Variants in SEMA6D observed in about 807,000 individuals in gnomAD.
The protein encoded by SEMA6D is semaphorin 6D, also known as semaphorin-6D.
A neutral mutation model predicts 106.6 loss-of-function variants in SEMA6D; 35 were observed. The observed-to-expected ratio is 0.33, with a 90% CI of 0.25 to 0.44. SEMA6D has a LOEUF of 0.44. Among genes scored for constraint, SEMA6D ranks in the 20% least tolerant of loss-of-function variants. The pLI is 1.00. For synonymous variants in SEMA6D, 499 were observed against 487.7 expected (o/e 1.02, Z -0.31); for missense variants, 1,185 against 1,345.9 (o/e 0.88, Z 1.87).
chr15:47,653,366 C>T (rs1197580938), intron 4 of SEMA6D, among the ~76,000 whole-genome samples: 1 of 152,160 alleles, frequency 6.6e-6, no homozygotes, highest in Non-Finnish European at 1.5e-5. Context: ...AAATAAAAAT[C>T]ACAAAAAGCA....
At chr15:47,561,342 A>G (rs1246965494) in intron 3 of SEMA6D, among the ~76,000 whole-genome samples, 1 of 152,082 alleles carries the variant, frequency 6.6e-6, no homozygotes, top group East Asian at 1.9e-4. Flanking sequence ...TTCAATTGAG[A>G]GGAAAAAAAA....
chr15:47,554,736 A>C (rs924327950), intron 3 of SEMA6D, among the ~76,000 whole-genome samples: 19 of 152,152 alleles, frequency 1.2e-4, no homozygotes, highest in African/African-American at 4.6e-4. Context: ...TCACTGCTGT[A>C]GGTAACATCT....
intron 1 of SEMA6D, among the ~76,000 whole-genome samples, chr15:47,379,055 G>A (rs2145575790): frequency 1.3e-5 from 2 of 152,280 alleles, no homozygotes; most frequent in South Asian, 4.1e-4. Flanking sequence ...CTCTATAACT[G>A]CCGTAACCTG....
intron 1 of SEMA6D, among the ~76,000 whole-genome samples, chr15:47,746,980 G>GTATATATATATATA (rs752559574): frequency 6.3e-4 from 73 of 116,736 alleles, no homozygotes; most frequent in South Asian, 3.9e-3. Flanking sequence ...CTGTGTGTGT[G>GTATATATATATATA]TGTGTATATA....
chr15:47,723,787 A>G (rs903726134), intron 1 of SEMA6D, among the ~76,000 whole-genome samples: 2 of 152,204 alleles, frequency 1.3e-5, no homozygotes, highest in Non-Finnish European at 2.9e-5. Flanking sequence ...ACTGAAATGT[A>G]AGGTTCTCAA....
chr15:47,316,336 C>A (rs577860132), intron 1 of SEMA6D, among the ~76,000 whole-genome samples: 1 of 151,964 alleles, frequency 6.6e-6, no homozygotes, highest in Admixed American at 6.6e-5. Context: ...AGGTGATCCA[C>A]CTGCCTCGGC....
At chr15:47,227,464 CT>C (rs1200917452) in intron 1 of SEMA6D, among the ~76,000 whole-genome samples, 34 of 66,392 alleles carry the variant, frequency 5.1e-4, no homozygotes, top group African/African-American at 1.2e-3. Flanking sequence ...TCTTTTCTTT[CT>C]TTTTCTTTCT....
At chr15:47,381,752 T>C (rs2039647580) in intron 1 of SEMA6D, among the ~76,000 whole-genome samples, 2 of 152,184 alleles carry the variant, frequency 1.3e-5, no homozygotes, top group South Asian at 2.1e-4. Flanking sequence ...TATAAAGTTA[T>C]AGGAAATATG....
chr15:47,357,693 G>T (rs1162675925), intron 1 of SEMA6D, among the ~76,000 whole-genome samples: 1 of 152,122 alleles, frequency 6.6e-6, no homozygotes, highest in Non-Finnish European at 1.5e-5. Flanking sequence ...CCCACATTAA[G>T]GGTGGGTCTG....
chr15:47,460,367 A>G (rs978200851), intron 2 of SEMA6D, among the ~76,000 whole-genome samples: 2 of 152,118 alleles, frequency 1.3e-5, no homozygotes, highest in Non-Finnish European at 2.9e-5. Flanking sequence ...AATCATTGCA[A>G]GCAGTGATCA....
At chr15:47,240,476 C>T (rs1857090665) in intron 1 of SEMA6D, among the ~76,000 whole-genome samples, 1 of 152,136 alleles carries the variant, frequency 6.6e-6, no homozygotes, top group Admixed American at 6.6e-5. Flanking sequence ...TAATCTCCTC[C>T]TTTCTTCATC....
At chr15:47,231,764 TA>T (rs1266323185) in intron 1 of SEMA6D, among the ~76,000 whole-genome samples, 1 of 152,034 alleles carries the variant, frequency 6.6e-6, no homozygotes, top group African/African-American at 2.4e-5. Flanking sequence ...TCATTGTTTC[TA>T]AAAAATCTGT....
chr15:47,417,468 T>C (rs1201762494), intron 2 of SEMA6D, among the ~76,000 whole-genome samples: 1 of 151,738 alleles, frequency 6.6e-6, no homozygotes, highest in Non-Finnish European at 1.5e-5. Context: ...AGAATATCAA[T>C]GTCTGAGAAA....
chr15:47,300,427 T>TG (rs1466091534), intron 1 of SEMA6D, among the ~76,000 whole-genome samples: 5 of 143,722 alleles, frequency 3.5e-5, no homozygotes, highest in South Asian at 2.3e-4. Context: ...TGTTGAGTCC[T>TG]GGGGGGGTGG....
At chr15:47,318,024 C>CTTTT (rs71425594) in intron 1 of SEMA6D, among the ~76,000 whole-genome samples, 47,761 of 115,804 alleles carry the variant, frequency 0.41, 11,189 homozygotes, top group Non-Finnish European at 0.55. Context: ...TCCCACAGTT[C>CTTTT]TTTTTTTTTT....
intron 3 of SEMA6D, among the ~76,000 whole-genome samples, chr15:47,498,881 A>G (rs2043756081): frequency 6.6e-6 from 1 of 152,176 alleles, no homozygotes; most frequent in Non-Finnish European, 1.5e-5. Context: ...TATTCCAGGT[A>G]GATTTCTAGT....
chr15:47,691,025 G>T (rs182681236), intron 4 of SEMA6D, among the ~76,000 whole-genome samples: 199 of 152,226 alleles, frequency 1.3e-3, no homozygotes, highest in African/African-American at 4.7e-3. Context: ...GGCGTTGTCT[G>T]TGTTGTCTCG....
intron 1 of SEMA6D, among the ~76,000 whole-genome samples, chr15:47,362,450 C>G (rs979616336): frequency 9.9e-5 from 15 of 152,104 alleles, no homozygotes; most frequent in African/African-American, 3.6e-4. Flanking sequence ...CAGAGGTGCC[C>G]CGGGTTCTCC....
At chr15:47,766,991 C>G (rs2082379066) in intron 16 of SEMA6D, 46 bp from the exon 17 acceptor site, 1 of 1,130,450 alleles carries the variant, frequency 8.8e-7, no homozygotes, top group Non-Finnish European at 1.2e-6. Flanking sequence ...TTTTTGCTTT[C>G]TTTTGGTTAC....
Sources: gnomAD v4.1 joint callset for allele counts (sites outside exome capture counted in the v4.1 genomes callset) on GRCh38, gnomAD v4.1.1 for gene constraint, MANE v1.5 for transcripts, NCBI Gene and HGNC (gene_info 2026-07-23, HGNC 2026-07-21) for gene names.